CHST11: variants seen among roughly 807,000 people sequenced by gnomAD.
CHST11 encodes the protein carbohydrate sulfotransferase 11.
In CHST11, 9 loss-of-function variants were observed where a neutral mutation model predicts 30.4. That is an observed-to-expected ratio of 0.30 (90% CI 0.18 to 0.52). The LOEUF (loss-of-function observed/expected upper bound fraction) is 0.52. Among genes scored for constraint, CHST11 ranks in the 20% least tolerant of loss-of-function variants. The pLI, the probability that CHST11 is intolerant of heterozygous loss-of-function variation, is 0.97. For missense variants in CHST11, 348 were observed against 460.6 expected, an observed-to-expected ratio of 0.76 and a Z score of 2.24; for synonymous variants, 152 against 187.8, an observed-to-expected ratio of 0.81 and a Z score of 1.56.
At chr12:104,687,640 A>T (rs2136105753) in intron 2 of CHST11, among the ~76,000 whole-genome samples, 1 of 152,300 alleles carries the variant, frequency 6.6e-6, no homozygotes, top group African/African-American at 2.4e-5. Flanking sequence ...CTGGGCAGTG[A>T]GGAGGTTCTG....
intron 2 of CHST11, among the ~76,000 whole-genome samples, chr12:104,659,057 C>T (rs766322462): frequency 4.6e-5 from 7 of 152,330 alleles, no homozygotes; most frequent in African/African-American, 7.2e-5. Flanking sequence ...GCTCCCAAAA[C>T]GTTCTCTCAC....
intron 1 of CHST11, among the ~76,000 whole-genome samples, chr12:104,512,318 A>G (rs2037973106): frequency 6.6e-6 from 1 of 152,224 alleles, no homozygotes; most frequent in Non-Finnish European, 1.5e-5. Flanking sequence ...CATTCTAGTT[A>G]GTAGTATCTG....
At chr12:104,539,236 C>T (rs1361213000) in intron 1 of CHST11, among the ~76,000 whole-genome samples, 2 of 152,176 alleles carry the variant, frequency 1.3e-5, no homozygotes, top group African/African-American at 2.4e-5. Flanking sequence ...TTCCTGGTTC[C>T]AGCACTTGCC....
rs778088401 is a variant in CHST11, at chr12:104,756,929, G to A, written c.205-20G>A. On this transcript the variant is annotated intron_variant, in intron 2 of 2. Transcript: ENST00000303694. ...TCAGGCAAGTACTGAGTTCTTATTC[G>A]TCTTGTGTCTCCTCTGCAGCTGGAG... 6.7e-5 allele frequency: 107 copies of A among 1,599,408 alleles called. No individual in the cohort carries two copies. The highest frequency in any genetic ancestry group is 1.1e-4 in the East Asian group (5 of 44,716).
At chr12:104,519,073 T>G (rs1374372362) in intron 1 of CHST11, among the ~76,000 whole-genome samples, 3 of 141,206 alleles carry the variant, frequency 2.1e-5, no homozygotes, top group East Asian at 4.0e-4. Flanking sequence ...ACTCTTGAGG[T>G]GTGTGTGTGT....
At chr12:104,698,646 G>A (rs1367991137) in intron 2 of CHST11, among the ~76,000 whole-genome samples, 4 of 152,148 alleles carry the variant, frequency 2.6e-5, no homozygotes, top group East Asian at 1.9e-4. Context: ...TTACCAGCTC[G>A]GCATAGGCAG....
intron 1 of CHST11, among the ~76,000 whole-genome samples, chr12:104,550,883 T>A (rs1290635522): frequency 6.6e-6 from 1 of 152,232 alleles, no homozygotes; most frequent in Non-Finnish European, 1.5e-5. Context: ...CTCAGTGATG[T>A]CCACGTCTTT....
At chr12:104,510,707 A>G (rs998757529) in intron 1 of CHST11, among the ~76,000 whole-genome samples, 2 of 152,246 alleles carry the variant, frequency 1.3e-5, no homozygotes, top group Non-Finnish European at 2.9e-5. Context: ...CTTGTTTGGC[A>G]GACAAAGCCT....
chr12:104,691,798 A>G (rs2039899015), intron 2 of CHST11, among the ~76,000 whole-genome samples: 1 of 152,128 alleles, frequency 6.6e-6, no homozygotes, highest in African/African-American at 2.4e-5. Context: ...TAGAGGCACA[A>G]TTTAACACAG....
chr12:104,499,334 G>A (rs1455053458), intron 1 of CHST11, among the ~76,000 whole-genome samples: 1 of 152,162 alleles, frequency 6.6e-6, no homozygotes, highest in Non-Finnish European at 1.5e-5. Context: ...GGCCCCAGAA[G>A]CTCAGTTAGA....
chr12:104,659,944 C>T (rs905055379), intron 2 of CHST11, among the ~76,000 whole-genome samples: 4 of 150,670 alleles, frequency 2.7e-5, no homozygotes, highest in Admixed American at 6.6e-5. Context: ...ATGGCACTGC[C>T]GCACTCCAGC....
At chr12:104,533,838 A>G (rs2038209824) in intron 1 of CHST11, among the ~76,000 whole-genome samples, 1 of 152,236 alleles carries the variant, frequency 6.6e-6, no homozygotes, top group South Asian at 2.1e-4. Context: ...AGAGACAGAG[A>G]CAGGCAGCTT....
chr12:104,697,090 T>C (rs1448846539), intron 2 of CHST11, among the ~76,000 whole-genome samples: 2 of 152,248 alleles, frequency 1.3e-5, no homozygotes, highest in East Asian at 3.8e-4. Context: ...TCCTGGTGCA[T>C]GTCTGCCTTC....
At chr12:104,725,323 C>T (rs1239514017) in intron 2 of CHST11, among the ~76,000 whole-genome samples, 2 of 152,128 alleles carry the variant, frequency 1.3e-5, no homozygotes, top group African/African-American at 4.8e-5. Context: ...GAGCCTGAGG[C>T]CGTGGTGCCG....
chr12:104,505,557 T>C (rs2037897558), intron 1 of CHST11, among the ~76,000 whole-genome samples: 1 of 152,186 alleles, frequency 6.6e-6, no homozygotes, highest in African/African-American at 2.4e-5. Flanking sequence ...TTCAGAGCAA[T>C]TGATTTCAGA....
chr12:104,757,046 T>A lies in CHST11; in HGVS notation c.302T>A (p.Val101Glu), dbSNP rs1285849422. 1 of 1,613,346 alleles carries A rather than the reference T, an allele frequency of 6.2e-7. No homozygotes were observed. Among genetic ancestry groups the A allele is most frequent in the Admixed American group, 1.7e-5 (1 of 59,946 alleles). The change falls in exon 3 of 3, where the codon GTG becomes GAG. Residue 101 changes from valine to glutamate, a missense_variant. Coordinates refer to ENST00000303694, the MANE Select transcript of CHST11 (RefSeq NM_018413.6). This position sits in a 1 kb window ranked among gnomAD's most constrained non-coding sequence, Gnocchi z 6.5. ...AGCGCCACAAGCCGTAAGCGGAGGG[T>A]GCTGACCCCCAACGACCTGAAGCAC... ...ANSATSRKRRVLTPNDLKHLV... is the reference protein window; with the variant it reads ...ANSATSRKRRELTPNDLKHLV...
intron 1 of CHST11, among the ~76,000 whole-genome samples, chr12:104,598,893 TG>T (rs2038931906): frequency 2.4e-5 from 1 of 41,822 alleles, no homozygotes; most frequent in East Asian, 1.6e-3. Flanking sequence ...CTAGCTGAGT[TG>T]GGAGGTGACC....
chr12:104,664,796 C>T (rs530130871), intron 2 of CHST11, among the ~76,000 whole-genome samples: 7 of 152,266 alleles, frequency 4.6e-5, no homozygotes, highest in Non-Finnish European at 8.8e-5. Flanking sequence ...AAGTTTTACA[C>T]GAGCCGGTTA....
At chr12:104,736,816 G>T (rs948219148) in intron 2 of CHST11, among the ~76,000 whole-genome samples, 2 of 152,224 alleles carry the variant, frequency 1.3e-5, no homozygotes, top group East Asian at 3.8e-4. Context: ...ACACAGCGCT[G>T]TAGGTGTACT....
Sources: gnomAD v4.1 joint callset for allele counts (sites outside exome capture counted in the v4.1 genomes callset) on GRCh38, gnomAD v4.1.1 for gene constraint, Gnocchi (gnomAD v3.1) non-coding constraint, MANE v1.5 for transcripts, NCBI Gene and HGNC (gene_info 2026-07-23, HGNC 2026-07-21) for gene names.